RSAD2: variants seen among roughly 807,000 people sequenced by gnomAD.
RSAD2 encodes the protein S-adenosylmethionine-dependent nucleotide dehydratase RSAD2.
RSAD2 carries 38 observed loss-of-function variants against 37.7 expected under a neutral mutation model. The observed-to-expected ratio is 1.01, with a 90% CI of 0.78 to 1.32. RSAD2 has a LOEUF of 1.32. RSAD2 is among the 40% of genes most tolerant of loss of function. The pLI is 0.00. For missense variants in RSAD2, 428 were observed against 437.5 expected, an observed-to-expected ratio of 0.98 and a Z score of 0.19; for synonymous variants, 163 against 157.4, an observed-to-expected ratio of 1.04 and a Z score of -0.27.
chr2:6,877,143 A>C (rs1183481488), upstream of RSAD2: 1 of 152,240 alleles, frequency 6.6e-6, no homozygotes, highest in African/African-American at 2.4e-5. Flanking sequence ...CCTCTAGTTA[A>C]AAACATCTAT....
intron 4 of RSAD2, among the ~76,000 whole-genome samples, chr2:6,891,993 TA>T (rs904545325): frequency 1.3e-5 from 2 of 151,978 alleles, no homozygotes; most frequent in African/African-American, 4.8e-5. Flanking sequence ...TCCTGATGTG[TA>T]AAAAAAAGTA....
At chr2:6,894,257 C>T (rs1479737772) in intron 5 of RSAD2, among the ~76,000 whole-genome samples, 2 of 150,392 alleles carry the variant, frequency 1.3e-5, no homozygotes, top group East Asian at 4.0e-4. Context: ...CTACCCTTCT[C>T]AAAACTGAAA....
At chr2:6,893,554 G>T in intron 4 of RSAD2, 117 bp from the exon 5 acceptor site, 1 of 831,608 alleles carries the variant, frequency 1.2e-6, no homozygotes. Flanking sequence ...GCAACTCAAG[G>T]GAAATGAGAA....
intron 2 of RSAD2, among the ~76,000 whole-genome samples, chr2:6,884,783 C>A (rs10194045): frequency 0.96 from 145,952 of 152,314 alleles, 70,202 homozygotes; most frequent in East Asian, 1. Context: ...ATGAGTGGAG[C>A]GCCAACTAGG....
chr2:6,867,692 G>C (rs957513959), intron 1 of RSAD2, among the ~76,000 whole-genome samples: 2 of 152,160 alleles, frequency 1.3e-5, no homozygotes, highest in Admixed American at 6.5e-5. Flanking sequence ...AGCACCTTGA[G>C]GGTAAGTAGG....
At chr2:6,873,884 T>A, upstream of RSAD2, among the ~76,000 whole-genome samples, 1 of 152,332 alleles carries the variant, frequency 6.6e-6, no homozygotes. Context: ...GTTACTAATA[T>A]GTGTTCCAAA....
chr2:6,865,986 TC>T lies in RSAD2; in HGVS notation c.87del (p.Arg30GlyfsTer7), dbSNP rs1221157175. ...TGCGCGGCTCCGCGGGCCTGCGCGG[TC>T]CCCAGGCGCCGGCTCCCGGGGCTGA... On this transcript the variant is annotated frameshift_variant, in exon 1 of 6. Coordinates refer to the RSAD2 transcript ENST00000442639. LOFTEE classifies it high-confidence loss of function. The T allele has an allele frequency of 9.8e-6, 8 of 812,844 alleles. No individual in the cohort carries two copies. Among genetic ancestry groups the T allele is most frequent in the Non-Finnish European group, 1.2e-5 (7 of 594,504 alleles). 50.4% of individuals were successfully genotyped at this position (812,844 alleles called of 1,614,324 possible).
Position 6,896,182 on chromosome 2 carries a change from G to T in RSAD2, c.*240G>T. On this transcript the variant is annotated 3_prime_UTR_variant, in exon 6 of 6. Coordinates refer to ENST00000382040, the MANE Select transcript of RSAD2 (RefSeq NM_080657.5). The stretch of plus-strand genomic sequence containing the variant: ...TTATAACCTTGTTGTTATTGAAACA[G>T]CACTTCTGTTTTTGAGTTTGTTTTA... 1 of 402,836 alleles carries T rather than the reference G, an allele frequency of 2.5e-6. No individual in the cohort carries two copies. Among genetic ancestry groups the T allele is most frequent in the Non-Finnish European group, 4.4e-6 (1 of 225,026 alleles). 25.0% of individuals were successfully genotyped at this position (402,836 alleles called of 1,614,324 possible).
At chr2:6,871,246 C>G (rs1248403683) in intron 1 of RSAD2, among the ~76,000 whole-genome samples, 1 of 152,260 alleles carries the variant, frequency 6.6e-6, no homozygotes, top group Non-Finnish European at 1.5e-5. Context: ...CATTCTTCCA[C>G]TAGCTGCCTT....
intron 4 of RSAD2, 66 bp downstream of exon 4, chr2:6,890,391 C>T: frequency 6.4e-7 from 1 of 1,552,080 alleles, no homozygotes; most frequent in South Asian, 1.2e-5. Flanking sequence ...AAAGGGAAGT[C>T]TCTCAGCCAA....
At chr2:6,870,081 C>G (rs111851060) in intron 1 of RSAD2, among the ~76,000 whole-genome samples, 5 of 152,266 alleles carry the variant, frequency 3.3e-5, no homozygotes, top group Non-Finnish European at 7.4e-5. Context: ...GATTGGGACC[C>G]TAGGTGGGAT....
chr2:6,895,641 A>G (rs974580848), intron 5 of RSAD2, 137 bp from the exon 6 acceptor site: 53 of 795,318 alleles, frequency 6.7e-5, no homozygotes, highest in Non-Finnish European at 9.0e-5. Flanking sequence ...CAAGGGGTTC[A>G]ATATCAGCCA....
chr2:6,865,928 T>C, exon 1 of RSAD2: 1 of 1,381,254 alleles, frequency 7.2e-7, no homozygotes, highest in East Asian at 3.6e-5. Context: ...CGGCCGGCGC[T>C]CGGGAGCAGA....
chr2:6,876,237 G>A (rs1326861860), upstream of RSAD2, among the ~76,000 whole-genome samples: 3 of 152,094 alleles, frequency 2.0e-5, no homozygotes, highest in South Asian at 2.1e-4. Context: ...ATTTCCAGCC[G>A]GCTTCCCCTG....
Position 6,865,948 on chromosome 2 carries a change from C to A in RSAD2, c.45C>A (p.Pro15=), listed in dbSNP as rs770212376. ...GGCGCTCGGGAGCAGACGCTTGGCC[C>A]CGGGGCCCCAGGTGCGCGGCTCCGC... The change falls in exon 1 of 6, where the codon CCC becomes CCA. Residue 15 remains proline (P), a synonymous_variant. Coordinates refer to the RSAD2 transcript ENST00000442639. 4 of 1,307,366 alleles carry A rather than the reference C, an allele frequency of 3.1e-6. No individual in the cohort carries two copies. The East Asian group carries it at 1.6e-4, about 51-fold the overall frequency. The allele number at this position is 1,307,366 out of a possible 1,614,324, so 81.0% of individuals were successfully genotyped here. A position where few individuals can be genotyped will look rare whatever the true frequency, so the allele number is the denominator to read the frequency against.
chr2:6,889,928 A>T (rs1572159898), intron 3 of RSAD2, among the ~76,000 whole-genome samples: 1 of 152,190 alleles, frequency 6.6e-6, no homozygotes, highest in African/African-American at 2.4e-5. Flanking sequence ...AAAATTTATG[A>T]CTCAATCAAA....
chr2:6,881,338 C>G (rs1005913977), intron 1 of RSAD2, among the ~76,000 whole-genome samples: 3 of 152,224 alleles, frequency 2.0e-5, no homozygotes, highest in Admixed American at 2.0e-4. Flanking sequence ...GGCACTAAAA[C>G]TCACTCACAG....
intron 3 of RSAD2, among the ~76,000 whole-genome samples, chr2:6,887,598 G>A (rs1423427726): frequency 6.6e-6 from 1 of 152,180 alleles, no homozygotes; most frequent in Non-Finnish European, 1.5e-5. Flanking sequence ...TCCCCAAGTT[G>A]TAGCAAAATG....
In RSAD2 at chr2:6,881,658, C is replaced by T. The variant is rs78669511; in HGVS notation, c.347-1713C>T. On this transcript the variant is annotated intron_variant, in intron 1 of 5. Transcript: ENST00000382040. ...AAGAGGTTTGCACGGGTTCATTCTC[C>T]TAGAATGCAGGCAGGCAGGTGTATG... 8.9e-3 allele frequency among the ~76,000 whole-genome samples: 1,356 copies of T among 152,318 alleles called. 9 individuals carry two copies. The highest frequency in any genetic ancestry group is 0.031 in the African/African-American group (1,302 of 41,576).
Sources: allele counts gnomAD v4.1 joint callset (sites outside exome capture counted in the v4.1 genomes callset), GRCh38; gene constraint gnomAD v4.1.1; transcripts MANE v1.5; gene names NCBI Gene and HGNC (gene_info 2026-07-23, HGNC 2026-07-21).